The following SGSM1 variants were observed in gnomAD, a reference collection of about 807,000 sequenced individuals.
The protein encoded by SGSM1 is RUN and TBC1 domain containing 2.
In SGSM1, 73 loss-of-function variants were observed where a neutral mutation model predicts 133.8. That is an observed-to-expected ratio of 0.55 (90% confidence interval 0.45 to 0.66). The LOEUF (loss-of-function observed/expected upper bound fraction) is 0.66, where lower values mean the gene tolerates loss of function less well. Among genes scored for constraint, SGSM1 ranks in the 30% least tolerant of loss-of-function variants. The pLI, the probability that SGSM1 is intolerant of heterozygous loss-of-function variation, is 0.00. For missense variants in SGSM1, 1,213 were observed against 1,448.1 expected, an observed-to-expected ratio of 0.84 and a Z score of 2.64; for synonymous variants, 563 against 573.0, an observed-to-expected ratio of 0.98 and a Z score of 0.25.
At chr22:24,862,909 C>G (rs1012117884) in intron 9 of SGSM1, among the ~76,000 whole-genome samples, 1 of 151,846 alleles carries the variant, frequency 6.6e-6, no homozygotes, top group African/African-American at 2.4e-5. Flanking sequence ...TCCCAGGGGT[C>G]TGCAGGGGCT....
intron 3 of SGSM1, among the ~76,000 whole-genome samples, chr22:24,846,563 A>T (rs1411589413): frequency 2.0e-5 from 3 of 152,180 alleles, no homozygotes; most frequent in Non-Finnish European, 4.4e-5. Flanking sequence ...CAGTAGCTCT[A>T]CTCAAAAGTA....
At chr22:24,815,897 T>C (rs1928042030) in intron 2 of SGSM1, among the ~76,000 whole-genome samples, 1 of 152,278 alleles carries the variant, frequency 6.6e-6, no homozygotes, top group South Asian at 2.1e-4. Flanking sequence ...GCCTGATGTT[T>C]GGTTTCCTGA....
intron 12 of SGSM1, among the ~76,000 whole-genome samples, chr22:24,875,007 A>G (rs921852783): frequency 1.3e-5 from 2 of 152,200 alleles, no homozygotes; most frequent in African/African-American, 2.4e-5. Context: ...TACATCGTAC[A>G]GGCAGCTTCC....
intron 9 of SGSM1, 42 bp from the exon 10 acceptor site, chr22:24,867,051 T>A: frequency 1.2e-6 from 2 of 1,600,314 alleles, no homozygotes; most frequent in Non-Finnish European, 1.7e-6. Context: ...CACAGTGGGG[T>A]AGGCAGAAGT....
At chr22:24,912,076 A>AC (rs1933647738) in intron 21 of SGSM1, among the ~76,000 whole-genome samples, 1 of 151,892 alleles carries the variant, frequency 6.6e-6, no homozygotes, top group African/African-American at 2.4e-5. Flanking sequence ...AAAAAAAAAA[A>AC]AAAACTATCA....
chr22:24,887,107 T>TGTGTGTGTGTG, intron 16 of SGSM1, among the ~76,000 whole-genome samples: 2 of 145,316 alleles, frequency 1.4e-5, no homozygotes, highest in South Asian at 4.6e-4. Context: ...TTGTACTTAT[T>TGTGTGTGTGTG]TGTGTGTGTG....
At chr22:24,828,165 G>C (rs536653765) in intron 2 of SGSM1, among the ~76,000 whole-genome samples, 1 of 152,190 alleles carries the variant, frequency 6.6e-6, no homozygotes, top group South Asian at 2.1e-4. Flanking sequence ...CTAGCACCTT[G>C]ATTTTCAGAT....
chr22:24,924,424 T>G lies in SGSM1; in HGVS notation c.*150T>G. Reference sequence around the variant, plus strand: ...CAGTGCGCAAAGAAACTACCCTGACTTTTACTTCTGGGCAGATGGGGTGGA... The same window carrying G: ...CAGTGCGCAAAGAAACTACCCTGACGTTTACTTCTGGGCAGATGGGGTGGA... On this transcript the variant is annotated 3_prime_UTR_variant, in exon 25 of 25. Transcript: ENST00000400358. 1.5e-6 allele frequency: 1 copy of G among 653,684 alleles called. No homozygotes were observed. Among genetic ancestry groups the G allele is most frequent in the African/African-American group, 1.8e-5 (1 of 55,690 alleles). The allele number at this position is 653,684 out of a possible 1,614,324, so 40.5% of individuals were successfully genotyped here.
intron 5 of SGSM1, among the ~76,000 whole-genome samples, chr22:24,853,584 A>G (rs904760326): frequency 1.3e-5 from 2 of 151,944 alleles, no homozygotes; most frequent in African/African-American, 2.4e-5. Flanking sequence ...GGAAGGCCTC[A>G]GAATCATGGC....
chr22:24,919,978 A>G lies in SGSM1; in HGVS notation c.3178A>G (p.Ile1060Val). 2 of 1,606,882 alleles carry G rather than the reference A, an allele frequency of 1.2e-6. No homozygotes were observed. The highest frequency in any genetic ancestry group is 1.1e-5 in the South Asian group (1 of 89,726). Residue 1060 changes from isoleucine to valine, a missense_variant, in exon 24 of 25, where the codon ATC (isoleucine) becomes GTC (valine). Ile to Val is a conservative substitution (Grantham distance 29). Coordinates refer to ENST00000400358, the MANE Select transcript of SGSM1 (RefSeq NM_001098497.3). ...GAACAACATGGATTTCACAGACATC[A>G]TCAAATTCTTTAATGGTACCCACAT... The part of the protein sequence containing the change: ...LENNMDFTDI[I>V]KFFNEMAERH...
At chr22:24,874,694 G>A in intron 12 of SGSM1, 1 of 1,341,338 alleles carries the variant, frequency 7.5e-7, no homozygotes, top group Non-Finnish European at 9.9e-7. Context: ...TGGAGGCAGA[G>A]GGATTGATGC....
Position 24,926,090 on chromosome 22 carries a change from T to C in SGSM1, c.*1816T>C, listed in dbSNP as rs898708726. On this transcript the variant is annotated 3_prime_UTR_variant, in exon 25 of 25. Coordinates refer to ENST00000400358, the MANE Select transcript of SGSM1 (RefSeq NM_001098497.3). ...GGGAGAGGATAGGTAAAGCAGCGTA[T>C]TGAAGCATTTGCGGAGGGGTGTATT... 1.3e-5 allele frequency: 2 copies of C among 152,272 alleles called. No homozygotes were observed. The highest frequency in any genetic ancestry group is 4.8e-5 in the African/African-American group (2 of 41,444). The allele number at this position is 152,272 out of a possible 1,614,324, so 9.4% of individuals were successfully genotyped here.
In SGSM1 at chr22:24,808,658, T is replaced by C. The variant is rs141252081; in HGVS notation, c.63+2174T>C. On this transcript the variant is annotated intron_variant, in intron 2 of 24. Coordinates refer to ENST00000400358, the MANE Select transcript of SGSM1 (RefSeq NM_001098497.3). Reference sequence around the variant, plus strand: ...TAAGACATCTGGGGAAGGCTCTGGCTGAGGCCCAGGTCCCAGCTCAGCTAC... The same window carrying C: ...TAAGACATCTGGGGAAGGCTCTGGCCGAGGCCCAGGTCCCAGCTCAGCTAC... 3.8e-3 allele frequency among the ~76,000 whole-genome samples: 575 copies of C among 152,332 alleles called. 1 individual carries two copies. Among genetic ancestry groups the C allele is most frequent in the Middle Eastern group, 0.014 (4 of 294 alleles).
At chr22:24,808,005 T>C (rs927069988) in intron 2 of SGSM1, among the ~76,000 whole-genome samples, 2 of 152,126 alleles carry the variant, frequency 1.3e-5, no homozygotes, top group Non-Finnish European at 2.9e-5. Flanking sequence ...GCAAAATACA[T>C]TGGATCCCTC....
At chr22:24,901,594 G>A (rs1933162956) in intron 19 of SGSM1, among the ~76,000 whole-genome samples, 1 of 152,060 alleles carries the variant, frequency 6.6e-6, no homozygotes, top group African/African-American at 2.4e-5. Flanking sequence ...AGCAGAGAGA[G>A]GTTCACTTCC....
intron 8 of SGSM1, among the ~76,000 whole-genome samples, chr22:24,856,373 G>GAAGT (rs139682): frequency 0.12 from 18,656 of 152,140 alleles, 1,818 homozygotes; most frequent in African/African-American, 0.27. Context: ...CTGTACAGGT[G>GAAGT]AAGGCGCCAA....
At chr22:24,821,025 C>G (rs890243047) in intron 2 of SGSM1, among the ~76,000 whole-genome samples, 1 of 152,008 alleles carries the variant, frequency 6.6e-6, no homozygotes, top group African/African-American at 2.4e-5. Flanking sequence ...TTTTTTCTTC[C>G]TTTCTTTTGC....
chr22:24,897,987 G>C lies in SGSM1; in HGVS notation c.2038G>C (p.Asp680His), dbSNP rs144859640. 1.7e-5 allele frequency: 28 copies of C among 1,601,642 alleles called. No individual in the cohort carries two copies. Residue 680 changes from aspartate to histidine, a missense_variant, in exon 19 of 25, where the codon GAT (aspartate) becomes CAT (histidine). Transcript: ENST00000400358. ...SSSTQVFESVDEVEQVEAEGR... is the reference protein window; with the variant it reads ...SSSTQVFESVHEVEQVEAEGR... ...TTGTCCTCAGGTGTTTGAGTCTGTG[G>C]ATGAGGTGGAGCAGGTGGAGGCTGA...
chr22:24,898,106 C>T lies in SGSM1; in HGVS notation c.2157C>T (p.Asn719=). 1 of 1,614,000 alleles carries T rather than the reference C, an allele frequency of 6.2e-7. No homozygotes were observed. Among genetic ancestry groups the T allele is most frequent in the South Asian group, 1.1e-5 (1 of 91,076 alleles). ...ACTCGGGTCATCCTTCCTCCCATAA[C>T]TTCTCCTCGGGCCTCTCAGAGCACT... is the stretch of plus-strand genomic sequence containing the variant. The part of the protein sequence containing the change: ...SPDSGHPSSH[N]FSSGLSEHSE... Residue 719 remains asparagine (N), a synonymous_variant, in exon 19 of 25, where the codon AAC becomes AAT. Coordinates refer to ENST00000400358, the MANE Select transcript of SGSM1 (RefSeq NM_001098497.3).
Sources: allele counts gnomAD v4.1 joint callset (sites outside exome capture counted in the v4.1 genomes callset), GRCh38; gene constraint gnomAD v4.1.1; transcripts MANE v1.5; gene names NCBI Gene and HGNC (gene_info 2026-07-23, HGNC 2026-07-21).